Variants in TMEM232 observed in about 807,000 individuals in gnomAD.
TMEM232 encodes transmembrane protein 232.
Under a neutral mutation model 78.8 loss-of-function variants are expected in TMEM232, and 80 were observed. The observed-to-expected ratio is 1.01, with a 90% CI of 0.85 to 1.22. The LOEUF (loss-of-function observed/expected upper bound fraction) is 1.22. TMEM232 is among the 50% of genes most tolerant of loss of function. TMEM232 has a pLI of 0.00. For synonymous variants in TMEM232, 297 were observed against 254.3 expected (o/e 1.17, Z -1.60); for missense variants, 881 against 742.2 (o/e 1.19, Z -2.17).
intron 12 of TMEM232, among the ~76,000 whole-genome samples, chr5:110,434,576 C>G (rs1281189014): frequency 6.6e-6 from 1 of 151,888 alleles, no homozygotes; most frequent in African/African-American, 2.4e-5. Context: ...TCCAAAAAAT[C>G]GAGGAGGAAG....
rs374080238 is a variant in TMEM232 at position 110,524,391 on chromosome 5, G to A, written c.1703+4197C>T. On this transcript the variant is annotated intron_variant, in intron 12 of 13. Transcript: ENST00000455884. The stretch of plus-strand genomic sequence containing the variant: ...AGAAAGAAAGAAAGAAAGAAAGAAA[G>A]AAAGAAAGAAAGAAAGAAAGAAAGA... Among the ~76,000 whole-genome samples, 505 of 62,640 alleles carry A rather than the reference G, an allele frequency of 8.1e-3. 3 individuals are homozygous for A. Among genetic ancestry groups the A allele is most frequent in the Admixed American group, 0.01 (63 of 6,248 alleles). 41.1% of individuals were successfully genotyped at this position (62,640 alleles called of 152,430 possible). A position where few individuals can be genotyped will look rare whatever the true frequency, so the allele number is the denominator to read the frequency against.
chr5:110,633,541 TC>T (rs200714467), intron 5 of TMEM232, among the ~76,000 whole-genome samples: 1 of 152,128 alleles, frequency 6.6e-6, no homozygotes, highest in Admixed American at 6.5e-5. Context: ...GGGGGTGGTT[TC>T]CCCATGCTCT....
chr5:110,491,037 A>ACCCT (rs1765034823), intron 12 of TMEM232, among the ~76,000 whole-genome samples: 1 of 152,148 alleles, frequency 6.6e-6, no homozygotes, highest in Non-Finnish European at 1.5e-5. Flanking sequence ...AGAAAGTGAA[A>ACCCT]ATCCACACAA....
At chr5:110,678,833 T>A (rs1318854086) in intron 1 of TMEM232, among the ~76,000 whole-genome samples, 1 of 152,192 alleles carries the variant, frequency 6.6e-6, no homozygotes, top group Non-Finnish European at 1.5e-5. Context: ...TTAAGGTTCC[T>A]CCATGTCTTT....
In TMEM232 at chr5:110,469,760, G is replaced by A. The variant is rs112380834; in HGVS notation, c.1704-44844C>T. Among the ~76,000 whole-genome samples the A allele has an allele frequency of 3.7e-3, 564 of 152,260 alleles. 2 individuals carry two copies. Among genetic ancestry groups the A allele is most frequent in the African/African-American group, 0.013 (547 of 41,544 alleles). ...ACATTGCCTTCCAGGGAATCAGTGC[G>A]TTGGCTAAGCGGAGCAGCTATGTAC... On this transcript the variant is annotated intron_variant, in intron 12 of 13. Coordinates refer to ENST00000455884, the MANE Select transcript of TMEM232 (RefSeq NM_001039763.4).
chr5:110,431,704 T>A (rs1580652138), intron 12 of TMEM232, among the ~76,000 whole-genome samples: 1 of 151,756 alleles, frequency 6.6e-6, no homozygotes, highest in Non-Finnish European at 1.5e-5. Context: ...ATTCACATAT[T>A]ACTTATAGAA....
At position 110,653,740 on chromosome 5, in the gene TMEM232, T is replaced by C. The variant is rs540946270; in HGVS notation, c.126-11369A>G. Among the ~76,000 whole-genome samples the C allele has an allele frequency of 4.6e-5, 7 of 152,282 alleles. No individual in the cohort carries two copies. In the South Asian group the frequency reaches 1.0e-3, roughly 23 times the overall value. ...TGGAAGTAGAAAGATGACATCAAGA[T>C]AATTGGACGGGAGGAATCTGAGCAG... On this transcript the variant is annotated intron_variant, in intron 2 of 13. Coordinates refer to ENST00000455884, the MANE Select transcript of TMEM232 (RefSeq NM_001039763.4).
At chr5:110,606,357 GAA>G (rs1781544568) in intron 8 of TMEM232, 70 bp from the exon 9 acceptor site, 2 of 1,389,546 alleles carry the variant, frequency 1.4e-6, no homozygotes, top group South Asian at 1.7e-5. Context: ...CTTTTAATGT[GAA>G]AAAATGAAAT....
At chr5:110,626,491 C>T (rs1226424308) in intron 6 of TMEM232, among the ~76,000 whole-genome samples, 1 of 151,966 alleles carries the variant, frequency 6.6e-6, no homozygotes, top group Admixed American at 6.6e-5. Flanking sequence ...TTCCCACCTC[C>T]ATGACTTTTT....
intron 12 of TMEM232, among the ~76,000 whole-genome samples, chr5:110,521,950 G>A (rs770131281): frequency 6.6e-6 from 1 of 152,066 alleles, no homozygotes; most frequent in Non-Finnish European, 1.5e-5. Flanking sequence ...ACAATCTTTT[G>A]TGTTCCCATA....
intron 3 of TMEM232, among the ~76,000 whole-genome samples, chr5:110,393,975 A>T (rs960730219): frequency 6.6e-5 from 10 of 151,572 alleles, no homozygotes; most frequent in Admixed American, 4.6e-4. Context: ...AAAAAAAAAA[A>T]AGGAAAATAA....
chr5:110,704,725 C>T (rs1359027799), intron 1 of TMEM232, among the ~76,000 whole-genome samples: 1 of 152,054 alleles, frequency 6.6e-6, no homozygotes, highest in African/African-American at 2.4e-5. Context: ...GATTAAGATA[C>T]TACCAGGGCC....
chr5:110,678,087 C>T (rs1418388208), intron 1 of TMEM232, among the ~76,000 whole-genome samples: 1 of 152,072 alleles, frequency 6.6e-6, no homozygotes, highest in African/African-American at 2.4e-5. Context: ...TGTTTAGAGA[C>T]AGAGTCTCAC....
intron 2 of TMEM232, among the ~76,000 whole-genome samples, chr5:110,733,891 C>T (rs1322719412): frequency 6.6e-6 from 1 of 152,028 alleles, no homozygotes; most frequent in Non-Finnish European, 1.5e-5. Context: ...TATAAAAATC[C>T]AGTAGAGGTT....
At chr5:110,426,832 TC>T (rs1484160129) in intron 12 of TMEM232, among the ~76,000 whole-genome samples, 1 of 151,990 alleles carries the variant, frequency 6.6e-6, no homozygotes, top group Non-Finnish European at 1.5e-5. Context: ...GTTTTGGTAT[TC>T]AAAGAATTGT....
chr5:110,498,856 T>A (rs925198807), intron 12 of TMEM232, among the ~76,000 whole-genome samples: 1 of 152,038 alleles, frequency 6.6e-6, no homozygotes, highest in Admixed American at 6.6e-5. Flanking sequence ...CCTAATGAAG[T>A]GAAAATAAAA....
chr5:110,738,055 C>G (rs1369080583), exon 1 of TMEM232: 1 of 278,388 alleles, frequency 3.6e-6, no homozygotes, highest in East Asian at 1.2e-4. Flanking sequence ...TCAATCAAAA[C>G]AAAGTTGATT....
At chr5:110,589,669 G>GT (rs1779270604) in intron 10 of TMEM232, among the ~76,000 whole-genome samples, 1 of 152,032 alleles carries the variant, frequency 6.6e-6, no homozygotes, top group Non-Finnish European at 1.5e-5. Context: ...GATAATATGA[G>GT]TATCTGTGTC....
chr5:110,522,328 C>G (rs1769650466), intron 12 of TMEM232, among the ~76,000 whole-genome samples: 1 of 152,100 alleles, frequency 6.6e-6, no homozygotes, highest in South Asian at 2.1e-4. Flanking sequence ...GGTGGAGTCT[C>G]TAGGGTTACA....
Sources: gnomAD v4.1 joint callset for allele counts (sites outside exome capture counted in the v4.1 genomes callset) on GRCh38, gnomAD v4.1.1 for gene constraint, MANE v1.5 for transcripts, NCBI Gene and HGNC (gene_info 2026-07-23, HGNC 2026-07-21) for gene names.